The following RAD51B variants were observed in gnomAD, a reference collection of about 807,000 sequenced individuals.
RAD51B encodes DNA repair protein RAD51 homolog 2.
In RAD51B, 38 loss-of-function variants were observed where a neutral mutation model predicts 42.2. The ratio of observed to expected loss-of-function variants is 0.90; its 90% CI spans 0.70 to 1.18. The LOEUF (loss-of-function observed/expected upper bound fraction) is 1.18, where lower values mean the gene tolerates loss of function less well. Among genes scored for constraint, RAD51B ranks in the 50% most tolerant of loss-of-function variants. The pLI is 0.00. For synonymous variants in RAD51B, 154 were observed against 145.2 expected, an observed-to-expected ratio of 1.06 and a Z score of -0.43; for missense variants, 373 against 400.7, an observed-to-expected ratio of 0.93 and a Z score of 0.59.
At chr14:68,673,465 A>G (rs991751839) in intron 11 of RAD51B, among the ~76,000 whole-genome samples, 6 of 152,082 alleles carry the variant, frequency 3.9e-5, no homozygotes, top group African/African-American at 1.4e-4. Context: ...GTATGCACAC[A>G]TATATACATG....
At chr14:68,161,325 C>A (rs1043097527) in intron 7 of RAD51B, among the ~76,000 whole-genome samples, 1 of 152,146 alleles carries the variant, frequency 6.6e-6, no homozygotes, top group African/African-American at 2.4e-5. Flanking sequence ...TGTGTAGTAG[C>A]ACCAGGTGTA....
rs570511465 is a variant in RAD51B at position 68,525,144 on chromosome 14, C to T, written c.1036+56894C>T. On this transcript the variant is annotated intron_variant, in intron 10 of 10. Coordinates refer to the RAD51B transcript ENST00000487270. ...GGCAGAAAACTCAATGTCAGTAAAG[C>T]GATGTAAGAAAGACTCAATGGGCCA... 1.6e-4 allele frequency among the ~76,000 whole-genome samples: 24 copies of T among 152,258 alleles called. No individual in the cohort carries two copies. The East Asian group carries it at 3.9e-3, about 24-fold the overall frequency.
intron 8 of RAD51B, among the ~76,000 whole-genome samples, chr14:68,372,306 A>G (rs1289715923): frequency 6.6e-6 from 1 of 152,216 alleles, no homozygotes; most frequent in Non-Finnish European, 1.5e-5. Context: ...GTTTTTCACT[A>G]CAAATGGAAA....
intron 11 of RAD51B, among the ~76,000 whole-genome samples, chr14:68,661,505 C>G (rs969513369): frequency 3.3e-5 from 5 of 152,144 alleles, no homozygotes; most frequent in African/African-American, 1.2e-4. Flanking sequence ...AGCCCTGGTT[C>G]CTTCTGTGAT....
At chr14:67,985,051 G>A (rs1566556486) in intron 7 of RAD51B, among the ~76,000 whole-genome samples, 1 of 152,158 alleles carries the variant, frequency 6.6e-6, no homozygotes. Context: ...GATTGGACTA[G>A]ATAATTTCCA....
chr14:67,823,896 A>C (rs1024471846), intron 2 of RAD51B, among the ~76,000 whole-genome samples: 2 of 152,234 alleles, frequency 1.3e-5, no homozygotes, highest in Non-Finnish European at 2.9e-5. Context: ...TTATAGTTAC[A>C]TGAGAAATAG....
chr14:68,386,523 C>G (rs1466708613), intron 8 of RAD51B, among the ~76,000 whole-genome samples: 2 of 152,188 alleles, frequency 1.3e-5, no homozygotes, highest in Non-Finnish European at 2.9e-5. Context: ...TATGCCCTCC[C>G]ACATTTAGCA....
intron 9 of RAD51B, among the ~76,000 whole-genome samples, chr14:68,444,698 G>A (rs560532166): frequency 2.6e-5 from 4 of 152,302 alleles, no homozygotes; most frequent in South Asian, 4.1e-4. Flanking sequence ...AGAAAAACTG[G>A]CATTTGCTGT....
intron 7 of RAD51B, among the ~76,000 whole-genome samples, chr14:67,946,503 G>A (rs1440884375): frequency 3.9e-5 from 6 of 152,044 alleles, no homozygotes; most frequent in Admixed American, 3.3e-4. Context: ...AAGTAGCTGG[G>A]GCTACAGGCA....
chr14:68,032,043 G>T (rs1490022343), intron 7 of RAD51B, among the ~76,000 whole-genome samples: 1 of 83,922 alleles, frequency 1.2e-5, no homozygotes, highest in Non-Finnish European at 2.2e-5. Context: ...CTTTGTGTCT[G>T]ATTTGACTCA....
chr14:68,632,114 T>C (rs1892241492), intron 10 of RAD51B, among the ~76,000 whole-genome samples: 1 of 152,096 alleles, frequency 6.6e-6, no homozygotes, highest in Non-Finnish European at 1.5e-5. Context: ...ACCAAGAAAC[T>C]CTTTCTTTCT....
rs886354698 is a variant in RAD51B, at chr14:68,137,137, G to A, written c.757-154747G>A. Among the ~76,000 whole-genome samples, 8 of 152,106 alleles carry A rather than the reference G, an allele frequency of 5.3e-5. No homozygotes were observed. In the East Asian group the frequency reaches 5.8e-4, roughly 11 times the overall value. ...CTAAAAATACAAAAATTGGCCTGGCGTGATGGCACACGCTTATAATCCCAG... is the reference window on the plus strand; with the variant it reads ...CTAAAAATACAAAAATTGGCCTGGCATGATGGCACACGCTTATAATCCCAG... On this transcript the variant is annotated intron_variant, in intron 7 of 10. Coordinates refer to ENST00000471583, the MANE Select transcript of RAD51B (RefSeq NM_133510.4).
At position 68,565,908 on chromosome 14, in the gene RAD51B, C is replaced by T. The variant is rs558586499; in HGVS notation, c.1037-28577C>T. On this transcript the variant is annotated intron_variant, in intron 10 of 10. Transcript: ENST00000487270. The surrounding 1 kb of genome is among the most constrained non-coding windows in gnomAD (Gnocchi z 4.1). ...GGTGTCTGGCCACTCTCATCCCCGCCGGGCTCCAATGTGGCCACAAGCCAC... is the reference window on the plus strand; with the variant it reads ...GGTGTCTGGCCACTCTCATCCCCGCTGGGCTCCAATGTGGCCACAAGCCAC... Among the ~76,000 whole-genome samples, 4 of 152,294 alleles carry T rather than the reference C, an allele frequency of 2.6e-5. No individual in the cohort carries two copies. Among genetic ancestry groups the T allele is most frequent in the South Asian group, 2.1e-4 (1 of 4,818 alleles).
At chr14:68,540,342 G>A (rs1423594306) in intron 10 of RAD51B, 6 of 1,049,860 alleles carry the variant, frequency 5.7e-6, no homozygotes, top group South Asian at 9.2e-5. Flanking sequence ...TTCTAGCTAC[G>A]AATCCTTGAC....
chr14:67,940,023 C>CACATATATATATATGTGCATAT (rs1408534826), intron 7 of RAD51B, among the ~76,000 whole-genome samples: 2 of 34,324 alleles, frequency 5.8e-5, no homozygotes, highest in African/African-American at 2.5e-4. Context: ...TTGATAGATG[C>CACATATATATATATGTGCATAT]ATATATATAT....
intron 10 of RAD51B, chr14:68,540,375 A>G: frequency 1.9e-6 from 2 of 1,051,926 alleles, no homozygotes; most frequent in Non-Finnish European, 2.3e-6. Flanking sequence ...GTCCACTTAC[A>G]TGAACCCTGA....
intron 7 of RAD51B, among the ~76,000 whole-genome samples, chr14:68,172,053 A>G (rs2078884651): frequency 6.6e-6 from 1 of 152,226 alleles, no homozygotes; most frequent in Admixed American, 6.5e-5. Flanking sequence ...TAAATATTTC[A>G]ACACCTCTGT....
chr14:67,955,670 A>C (rs1012006256), intron 7 of RAD51B, among the ~76,000 whole-genome samples: 2 of 152,240 alleles, frequency 1.3e-5, no homozygotes, highest in Non-Finnish European at 2.9e-5. Flanking sequence ...ATAGTTCAGA[A>C]AAATAAAACA....
intron 7 of RAD51B, among the ~76,000 whole-genome samples, chr14:68,161,227 C>G (rs544588386): frequency 6.6e-6 from 1 of 152,332 alleles, no homozygotes; most frequent in Non-Finnish European, 1.5e-5. Flanking sequence ...AGGAGTAGAT[C>G]TGACTTCAGG....
Sources: allele counts gnomAD v4.1 joint callset (sites outside exome capture counted in the v4.1 genomes callset), GRCh38; gene constraint gnomAD v4.1.1; non-coding constraint Gnocchi (gnomAD v3.1); transcripts MANE v1.5; gene names NCBI Gene and HGNC (gene_info 2026-07-23, HGNC 2026-07-21).